Variants in FNBP4 observed in about 807,000 individuals in gnomAD.
FNBP4 encodes the protein formin binding protein 4.
In FNBP4, 34 loss-of-function variants were observed where a neutral mutation model predicts 119.3. The ratio of observed to expected loss-of-function variants is 0.28; its 90% CI spans 0.22 to 0.38. The LOEUF is 0.38. Ranked by LOEUF, FNBP4 falls within the 10% of genes least tolerant of loss-of-function variation. The pLI is 1.00. For synonymous variants in FNBP4, 462 were observed against 430.6 expected, an observed-to-expected ratio of 1.07 and a Z score of -0.90; for missense variants, 1,112 against 1,228.9, an observed-to-expected ratio of 0.90 and a Z score of 1.42.
rs75907786 is a variant in FNBP4, at chr11:47,720,081, C to T, written c.2811G>A (p.Lys937=). The change falls in exon 16 of 17, where the codon AAG becomes AAA. Residue 937 remains lysine (K), a synonymous_variant. Coordinates refer to ENST00000263773, the MANE Select transcript of FNBP4 (RefSeq NM_015308.5). ...AAGATGGCATTTTGGTCTTACTCTT[C>T]TTTGCCTGTAACAAAGGTTAAAGGT... ...KTKKGRKDKA[K]KSKTKMPSLV... The T allele has an allele frequency of 1.0e-4, 163 of 1,612,882 alleles. No individual in the cohort carries two copies. In the African/African-American group the frequency reaches 1.9e-3, roughly 19 times the overall value.
At chr11:47,746,659 C>T (rs781124756) in intron 6 of FNBP4, among the ~76,000 whole-genome samples, 104 of 151,876 alleles carry the variant, frequency 6.8e-4, no homozygotes, top group Admixed American at 1.1e-3. Context: ...GGATTACAGG[C>T]GCCCGCCACC....
chr11:47,760,259 A>ATT (rs199885568), intron 2 of FNBP4, among the ~76,000 whole-genome samples: 18 of 127,908 alleles, frequency 1.4e-4, no homozygotes, highest in African/African-American at 2.7e-4. Flanking sequence ...TTGATCAAAC[A>ATT]TTTTTTTTTT....
chr11:47,729,383 C>A, intron 12 of FNBP4: 1 of 985,354 alleles, frequency 1.0e-6, no homozygotes, highest in African/African-American at 1.7e-5. Flanking sequence ...TTAGAATCCA[C>A]TCCATCTTTA....
rs1276877397 is a variant in FNBP4, at chr11:47,716,542, A to C, written c.*880T>G. The stretch of plus-strand genomic sequence containing the variant: ...TCAGGATTATAAAAAAAGCTTTATT[A>C]GTGCATATATACAAATTTACAAGGT... On this transcript the variant is annotated 3_prime_UTR_variant, in exon 17 of 17. Transcript: ENST00000263773. 6.6e-6 allele frequency: 1 copy of C among 152,664 alleles called. No individual in the cohort carries two copies. The highest frequency in any genetic ancestry group is 1.5e-5 in the Non-Finnish European group (1 of 68,046). 9.5% of individuals were successfully genotyped at this position (152,664 alleles called of 1,614,324 possible). A position where few individuals can be genotyped will look rare whatever the true frequency, so the allele number is the denominator to read the frequency against.
chr11:47,736,093 T>C (rs1330446938), intron 9 of FNBP4, among the ~76,000 whole-genome samples: 7 of 148,966 alleles, frequency 4.7e-5, no homozygotes, highest in Non-Finnish European at 7.4e-5. Context: ...AAAAAAACAC[T>C]TGCCAGGCGT....
chr11:47,755,618 T>C (rs1273048122), intron 2 of FNBP4, among the ~76,000 whole-genome samples: 5 of 134,418 alleles, frequency 3.7e-5, no homozygotes, highest in Non-Finnish European at 7.8e-5. Flanking sequence ...ACCTTGTCTA[T>C]CCCATAAAAA....
chr11:47,754,591 T>C lies in FNBP4; in HGVS notation c.387A>G (p.Gln129=). The change falls in exon 3 of 17, where the codon CAA becomes CAG. Residue 129 remains glutamine, a synonymous_variant. Transcript: ENST00000263773. ...ACTGGTTTCCATTTGTCTCTTTGGA[T>C]TGTGCTAGTTTTTCGGAAACATCAT... The part of the protein sequence containing the change: ...DDNDVSEKLA[Q]SKETNGNQST... 1 of 1,614,174 alleles carries C rather than the reference T, an allele frequency of 6.2e-7. No homozygotes were observed. The highest frequency in any genetic ancestry group is 1.1e-5 in the South Asian group (1 of 91,072).
chr11:47,765,020 T>G (rs1342908891), intron 2 of FNBP4, among the ~76,000 whole-genome samples: 1 of 151,994 alleles, frequency 6.6e-6, no homozygotes, highest in Admixed American at 6.6e-5. Flanking sequence ...GAAAACTAGT[T>G]ATAAAATAGC....
In FNBP4 at chr11:47,744,027, C is replaced by T. The variant is rs374712561; in HGVS notation, c.1382G>A (p.Arg461Gln). 61 of 1,613,974 alleles carry T rather than the reference C, an allele frequency of 3.8e-5. No homozygotes were observed. Among genetic ancestry groups the T allele is most frequent in the Non-Finnish European group, 5.0e-5 (59 of 1,180,010 alleles). The change falls in exon 8 of 17, where the codon CGA becomes CAA. Residue 461 changes from arginine (R) to glutamine (Q), a missense_variant. Coordinates refer to ENST00000263773, the MANE Select transcript of FNBP4 (RefSeq NM_015308.5). ...ACTGGTAGATTCTGGACTGGTAGCT[C>T]GAACAAACATCTTCCATTTTCCTCT... Reference protein sequence around the residue: ...SKRGKWKMFVRATSPESTSRS... With the variant: ...SKRGKWKMFVQATSPESTSRS...
chr11:47,729,876 T>G (rs1185643560), intron 12 of FNBP4: 1 of 985,476 alleles, frequency 1.0e-6, no homozygotes, highest in Non-Finnish European at 1.2e-6. Flanking sequence ...AAGTTTATCC[T>G]GCAATTCTAG....
chr11:47,742,827 T>C (rs563188871), intron 8 of FNBP4, among the ~76,000 whole-genome samples: 32 of 152,144 alleles, frequency 2.1e-4, no homozygotes, highest in Non-Finnish European at 4.6e-4. Context: ...GAGGCACAGG[T>C]TGCAGTGAGC....
chr11:47,767,084 C>G lies in FNBP4; in HGVS notation c.205G>C (p.Asp69His). 1 of 1,530,540 alleles carries G rather than the reference C, an allele frequency of 6.5e-7. No homozygotes were observed. The highest frequency in any genetic ancestry group is 1.2e-5 in the South Asian group (1 of 83,348). 94.8% of individuals were successfully genotyped at this position (1,530,540 alleles called of 1,614,324 possible). The stretch of plus-strand genomic sequence containing the variant: ...GCACCCTTGCCTTCTGAAGGCGAGT[C>G]GTCCGAGGCCGCGGCGGCAGTCACC... ...TAVTAAAASD[D>H]SPSEDEQEAV... Residue 69 changes from aspartate to histidine, a missense_variant, in exon 1 of 17, where the codon GAC becomes CAC. By Grantham distance (81) the Asp-to-His change is moderately conservative. This residue lies in a region of FNBP4 where 286 missense variants were observed against 240.1 expected (regional missense o/e 1.19). Transcript: ENST00000263773.
At chr11:47,731,675 G>A (rs775968409) in intron 11 of FNBP4, 114 bp from the exon 12 acceptor site, 3 of 1,465,288 alleles carry the variant, frequency 2.0e-6, no homozygotes, top group Non-Finnish European at 1.8e-6. Context: ...ACCTCTTAAT[G>A]GACTGCTATT....
intron 16 of FNBP4, among the ~76,000 whole-genome samples, chr11:47,718,554 G>T (rs1200086992): frequency 6.6e-6 from 1 of 152,084 alleles, no homozygotes; most frequent in Admixed American, 6.6e-5. Context: ...AGTTTTATTT[G>T]TAAGGATTAA....
intron 2 of FNBP4, among the ~76,000 whole-genome samples, chr11:47,757,829 G>GTATA (rs1554988315): frequency 3.2e-5 from 4 of 124,762 alleles, no homozygotes; most frequent in Non-Finnish European, 7.7e-5. Context: ...ATTTGTTTAT[G>GTATA]TATATATGTA....
chr11:47,717,969 G>A (rs549596205), intron 16 of FNBP4, among the ~76,000 whole-genome samples: 6 of 151,680 alleles, frequency 4.0e-5, no homozygotes, highest in African/African-American at 9.7e-5. Flanking sequence ...TGGTCAGGCT[G>A]GTCTCGAACT....
intron 2 of FNBP4, among the ~76,000 whole-genome samples, chr11:47,764,173 G>A (rs977465959): frequency 7.2e-5 from 11 of 152,058 alleles, no homozygotes; most frequent in Admixed American, 1.3e-4. Flanking sequence ...GAGTGCAGTG[G>A]CAAAACCTCA....
intron 12 of FNBP4, 113 bp from the exon 13 acceptor site, chr11:47,724,891 T>G: frequency 1.4e-6 from 2 of 1,403,438 alleles, no homozygotes. Context: ...CCTAGCACAG[T>G]GTACAAAACA....
At chr11:47,750,137 G>A (rs900270463) in intron 6 of FNBP4, among the ~76,000 whole-genome samples, 1 of 151,972 alleles carries the variant, frequency 6.6e-6, no homozygotes, top group Non-Finnish European at 1.5e-5. Flanking sequence ...TCAGCACGTT[G>A]GGAGGCTGAG....
Sources: gnomAD v4.1 joint callset for allele counts (sites outside exome capture counted in the v4.1 genomes callset) on GRCh38, gnomAD v4.1.1 for gene constraint, gnomAD v4.1.1 regional missense constraint, MANE v1.5 for transcripts, NCBI Gene and HGNC (gene_info 2026-07-23, HGNC 2026-07-21) for gene names.